The following CDH13 variants were observed in gnomAD, a reference collection of about 807,000 sequenced individuals.
CDH13 encodes cadherin-13.
Under a neutral mutation model 63.8 loss-of-function variants are expected in CDH13, and 24 were observed. That is an observed-to-expected ratio of 0.38 (90% confidence interval 0.27 to 0.53). The LOEUF (loss-of-function observed/expected upper bound fraction) is 0.53. Among genes scored for constraint, CDH13 ranks in the 20% least tolerant of loss-of-function variants. The pLI, the probability that CDH13 is intolerant of heterozygous loss-of-function variation, is 0.85. For missense variants in CDH13, 1,049 were observed against 903.1 expected (o/e 1.16, Z -2.07); for synonymous variants, 503 against 355.3 (o/e 1.42, Z -4.67).
chr16:83,383,015 C>T (rs915291786), intron 6 of CDH13: 2 of 152,202 alleles, frequency 1.3e-5, no homozygotes, highest in African/African-American at 4.8e-5. Flanking sequence ...GTGCAGAAAC[C>T]CCGAGTTACA....
At chr16:82,978,379 G>A (rs1224302185) in intron 2 of CDH13, among the ~76,000 whole-genome samples, 1 of 152,224 alleles carries the variant, frequency 6.6e-6, no homozygotes, top group Admixed American at 6.5e-5. Context: ...AGACAACAGG[G>A]AAAATGTCTC....
intron 8 of CDH13, among the ~76,000 whole-genome samples, chr16:83,607,418 CA>C (rs377103133): frequency 4.8e-5 from 7 of 145,530 alleles, no homozygotes; most frequent in Admixed American, 2.0e-4. Flanking sequence ...GACTCGGTCT[CA>C]AAAAAAAAAG....
intron 2 of CDH13, among the ~76,000 whole-genome samples, chr16:82,860,992 A>C (rs1389062056): frequency 6.6e-6 from 1 of 152,208 alleles, no homozygotes; most frequent in Non-Finnish European, 1.5e-5. Context: ...TGTCTCTGAA[A>C]AACGTGATTA....
chr16:83,269,711 C>T (rs899869978), intron 5 of CDH13, among the ~76,000 whole-genome samples: 1 of 152,202 alleles, frequency 6.6e-6, no homozygotes, highest in African/African-American at 2.4e-5. Flanking sequence ...TGCTCCATGA[C>T]ATCATCCTCT....
chr16:83,735,713 G>C (rs1033095935), intron 10 of CDH13: 3 of 151,896 alleles, frequency 2.0e-5, no homozygotes, highest in African/African-American at 7.3e-5. Flanking sequence ...ACTTTGTGCT[G>C]GACTGGTGCA....
intron 7 of CDH13, among the ~76,000 whole-genome samples, chr16:83,514,750 C>T (rs1444300440): frequency 6.6e-6 from 1 of 152,104 alleles, no homozygotes; most frequent in Non-Finnish European, 1.5e-5. Context: ...AGTCTATAAA[C>T]CAAGAAATAC....
intron 7 of CDH13, among the ~76,000 whole-genome samples, chr16:83,497,062 G>T (rs189143389): frequency 1.3e-5 from 2 of 152,294 alleles, no homozygotes; most frequent in African/African-American, 4.8e-5. Flanking sequence ...CACTGTTGGT[G>T]GGACTGTAAA....
At chr16:82,852,302 A>T (rs2039523944) in intron 1 of CDH13, among the ~76,000 whole-genome samples, 1 of 152,204 alleles carries the variant, frequency 6.6e-6, no homozygotes, top group African/African-American at 2.4e-5. Context: ...CTGCTGCAAC[A>T]AACAACACCA....
intron 2 of CDH13, among the ~76,000 whole-genome samples, chr16:83,000,318 G>A (rs1471834404): frequency 1.2e-4 from 15 of 123,992 alleles, no homozygotes; most frequent in African/African-American, 3.4e-4. Context: ...CTGCGATCTC[G>A]GCTCGCTGCA....
At chr16:83,299,228 A>C (rs987450657) in intron 5 of CDH13, among the ~76,000 whole-genome samples, 3 of 150,974 alleles carry the variant, frequency 2.0e-5, no homozygotes, top group African/African-American at 7.3e-5. Flanking sequence ...CACAGTGTGG[A>C]TGTTTCTCTT....
At chr16:82,970,557 GC>G (rs1288507154) in intron 2 of CDH13, among the ~76,000 whole-genome samples, 1 of 127,908 alleles carries the variant, frequency 7.8e-6, no homozygotes, top group African/African-American at 2.6e-5. Context: ...CCGCCACCGC[GC>G]CCGGCTAATT....
intron 1 of CDH13, among the ~76,000 whole-genome samples, chr16:82,716,854 C>G (rs1014949391): frequency 6.6e-5 from 10 of 151,786 alleles, no homozygotes; most frequent in African/African-American, 2.4e-4. Flanking sequence ...TGTCCTTTGC[C>G]TCAAGCAGAA....
At position 83,646,712 on chromosome 16, in the gene CDH13, A is replaced by AAAACACACACACAC. The variant is rs1168012793; in HGVS notation, c.1102-24077_1102-24076insAACACACACACACA. Among the ~76,000 whole-genome samples, 50 of 80,504 alleles carry AAAACACACACACAC rather than the reference A, an allele frequency of 6.2e-4. 1 individual carries two copies. Among genetic ancestry groups the AAAACACACACACAC allele is most frequent in the African/African-American group, 2.3e-3 (50 of 22,152 alleles). The allele number at this position is 80,504 out of a possible 152,430, so 52.8% of individuals were successfully genotyped here. ...CGTCTCAAAAAAAAAAAAAAAAAAAAACACACACACACACACACACACACA... is the reference window on the plus strand; with the variant it reads ...CGTCTCAAAAAAAAAAAAAAAAAAAAAAACACACACACACACACACACACACACACACACACACA... On this transcript the variant is annotated intron_variant, in intron 8 of 13. Transcript: ENST00000567109.
intron 1 of CDH13, among the ~76,000 whole-genome samples, chr16:82,706,389 A>C (rs895287830): frequency 1.1e-4 from 16 of 152,178 alleles, no homozygotes; most frequent in Non-Finnish European, 1.9e-4. Context: ...AATTATCTGC[A>C]TATAAGGATA....
chr16:83,601,617 G>C (rs1357178476), intron 7 of CDH13, among the ~76,000 whole-genome samples: 1 of 152,178 alleles, frequency 6.6e-6, no homozygotes, highest in Non-Finnish European at 1.5e-5. Flanking sequence ...TGAGCTGCTT[G>C]TTGAAAAGAT....
At chr16:82,692,224 T>C (rs1237651781) in intron 1 of CDH13, among the ~76,000 whole-genome samples, 2 of 152,354 alleles carry the variant, frequency 1.3e-5, no homozygotes, top group East Asian at 3.9e-4. Context: ...TGGTAACTTC[T>C]ATGTTATTAG....
intron 10 of CDH13, among the ~76,000 whole-genome samples, chr16:83,736,356 G>A (rs1253199775): frequency 6.6e-6 from 1 of 152,044 alleles, no homozygotes; most frequent in Non-Finnish European, 1.5e-5. Flanking sequence ...AATATGTTAA[G>A]GTCCTAGTCT....
chr16:83,367,734 T>A (rs1056839546), intron 6 of CDH13, among the ~76,000 whole-genome samples: 2 of 152,222 alleles, frequency 1.3e-5, no homozygotes, highest in African/African-American at 2.4e-5. Flanking sequence ...ATTTCCTTTT[T>A]CAAGATTGCT....
At chr16:83,245,139 A>G (rs1179551164) in intron 5 of CDH13, among the ~76,000 whole-genome samples, 1 of 151,556 alleles carries the variant, frequency 6.6e-6, no homozygotes, top group Non-Finnish European at 1.5e-5. Context: ...AAAGTTTCAT[A>G]TTCAGATAAT....
Sources: allele counts gnomAD v4.1 joint callset (sites outside exome capture counted in the v4.1 genomes callset), GRCh38; gene constraint gnomAD v4.1.1; transcripts MANE v1.5; gene names NCBI Gene and HGNC (gene_info 2026-07-23, HGNC 2026-07-21).